The following DPP10 variants were observed in gnomAD, a reference collection of about 807,000 sequenced individuals.
DPP10 encodes dipeptidyl peptidase like 10.
DPP10 carries 33 observed loss-of-function variants against 120.9 expected under a neutral mutation model. The observed-to-expected ratio is 0.27, with a 90% CI of 0.21 to 0.37. The LOEUF (loss-of-function observed/expected upper bound fraction) is 0.37. DPP10 is among the 10% of genes least tolerant of loss of function. DPP10 has a pLI of 1.00. For missense variants in DPP10, 816 were observed against 942.8 expected, an observed-to-expected ratio of 0.87 and a Z score of 1.76; for synonymous variants, 337 against 326.1, an observed-to-expected ratio of 1.03 and a Z score of -0.36.
intron 1 of DPP10, among the ~76,000 whole-genome samples, chr2:114,888,016 G>A (rs570091153): frequency 4.6e-5 from 7 of 151,998 alleles, no homozygotes; most frequent in South Asian, 4.2e-4. Flanking sequence ...GGTGGTGGGC[G>A]CCTGTAGTCC....
At chr2:114,851,312 A>G (rs927849256) in intron 1 of DPP10, among the ~76,000 whole-genome samples, 24 of 152,184 alleles carry the variant, frequency 1.6e-4, no homozygotes, top group Admixed American at 5.9e-4. Flanking sequence ...TATGTGTGTT[A>G]CTGAAGGCAA....
At chr2:115,775,447 A>T (rs1449169495) in intron 13 of DPP10, among the ~76,000 whole-genome samples, 6 of 152,064 alleles carry the variant, frequency 3.9e-5, no homozygotes, top group Non-Finnish European at 8.8e-5. Context: ...TACATTGATA[A>T]ACTTGAAGTT....
intron 12 of DPP10, among the ~76,000 whole-genome samples, chr2:115,767,857 T>A (rs72828580): frequency 0.2 from 30,258 of 152,130 alleles, 4,139 homozygotes; most frequent in East Asian, 0.54. Context: ...GTAAGTACAG[T>A]TGCTGAAGAA....
chr2:115,406,860 C>T (rs566157025), intron 3 of DPP10, among the ~76,000 whole-genome samples: 5 of 152,204 alleles, frequency 3.3e-5, no homozygotes, highest in Non-Finnish European at 5.9e-5. Context: ...ACACCCTTTT[C>T]TTAATTGATA....
chr2:115,806,633 A>G (rs1686002701), intron 19 of DPP10, among the ~76,000 whole-genome samples: 1 of 152,184 alleles, frequency 6.6e-6, no homozygotes, highest in African/African-American at 2.4e-5. Flanking sequence ...ATTAGCATCC[A>G]TTCCTGTATT....
chr2:115,029,055 G>A (rs563718694), intron 1 of DPP10, among the ~76,000 whole-genome samples: 1 of 152,082 alleles, frequency 6.6e-6, no homozygotes, highest in Non-Finnish European at 1.5e-5. Flanking sequence ...CTTATATTCA[G>A]TGTTATTATT....
At chr2:114,598,502 A>G (rs553413015) in intron 1 of DPP10, among the ~76,000 whole-genome samples, 482 of 152,022 alleles carry the variant, frequency 3.2e-3, no homozygotes, top group Non-Finnish European at 4.3e-3. Flanking sequence ...ACTGCGTTTC[A>G]AAGAATGCCA....
chr2:115,770,990 T>A (rs1681390328), intron 13 of DPP10, among the ~76,000 whole-genome samples: 1 of 152,130 alleles, frequency 6.6e-6, no homozygotes, highest in African/African-American at 2.4e-5. Context: ...TATTTAACAT[T>A]TTATATTTTT....
chr2:115,693,229 G>A lies in DPP10; in HGVS notation c.576+3308G>A, dbSNP rs113593731. ...CCCACTATGATATTTCTGAAAAGTG[G>A]CAGCAAAATTTGCATAGAATATGGT... On this transcript the variant is annotated intron_variant, in intron 7 of 25. Transcript: ENST00000410059. 2.0e-5 allele frequency among the ~76,000 whole-genome samples: 3 copies of A among 152,216 alleles called. No individual in the cohort carries two copies. The East Asian group carries it at 5.8e-4, about 29-fold the overall frequency.
intron 1 of DPP10, among the ~76,000 whole-genome samples, chr2:114,581,434 C>T (rs764322714): frequency 3.3e-5 from 5 of 152,022 alleles, no homozygotes; most frequent in East Asian, 1.9e-4. Context: ...CAGCCCACCT[C>T]GGCCTCCCAA....
intron 1 of DPP10, among the ~76,000 whole-genome samples, chr2:114,476,037 T>C (rs1680343799): frequency 6.6e-6 from 1 of 152,194 alleles, no homozygotes; most frequent in African/African-American, 2.4e-5. Flanking sequence ...CTTAAGAACT[T>C]TAAATCTCTT....
intron 1 of DPP10, among the ~76,000 whole-genome samples, chr2:115,102,571 C>T (rs979520104): frequency 4.6e-5 from 7 of 151,948 alleles, no homozygotes; most frequent in African/African-American, 1.7e-4. Context: ...CCACCACGCC[C>T]GGCTAATTTT....
At chr2:114,731,496 A>G (rs894955338) in intron 1 of DPP10, among the ~76,000 whole-genome samples, 1 of 152,042 alleles carries the variant, frequency 6.6e-6, no homozygotes. Flanking sequence ...CTTCCGTGGG[A>G]TACTTCTTTG....
intron 7 of DPP10, among the ~76,000 whole-genome samples, chr2:115,693,468 G>A (rs936706373): frequency 2.0e-5 from 3 of 151,992 alleles, no homozygotes; most frequent in Non-Finnish European, 4.4e-5. Flanking sequence ...TCCACCTTTT[G>A]TACAAAATAC....
rs13415853 is a variant in DPP10, at chr2:114,497,234, C to T, written c.60+54396C>T. Among the ~76,000 whole-genome samples the T allele has an allele frequency of 1.7e-3, 176 of 103,044 alleles. 2 individuals are homozygous for T. The highest frequency in any genetic ancestry group is 0.011 in the Middle Eastern group (2 of 178). 67.6% of individuals were successfully genotyped at this position (103,044 alleles called of 152,430 possible). ...ATATACGTGTGTATGCATGTACGTG[C>T]GTATACATGTGTATGCATGTACGTG... is the stretch of plus-strand genomic sequence containing the variant. On this transcript the variant is annotated intron_variant, in intron 1 of 25. Coordinates refer to ENST00000410059, the MANE Select transcript of DPP10 (RefSeq NM_020868.6).
At chr2:115,334,230 G>GGTTTTTTTTTTTTTTTTTT (rs1553554643) in intron 2 of DPP10, among the ~76,000 whole-genome samples, 3 of 56,412 alleles carry the variant, frequency 5.3e-5, no homozygotes, top group African/African-American at 1.5e-4. Context: ...AGCAGACTCT[G>GGTTTTTTTTTTTTTTTTTT]TTTTTTTTTT....
At chr2:114,659,237 T>C (rs1697206085) in intron 1 of DPP10, among the ~76,000 whole-genome samples, 1 of 152,160 alleles carries the variant, frequency 6.6e-6, no homozygotes, top group Non-Finnish European at 1.5e-5. Flanking sequence ...TGGCTAACAA[T>C]AAATTGTATG....
chr2:115,658,057 T>C (rs548923538), intron 5 of DPP10, among the ~76,000 whole-genome samples: 1 of 152,112 alleles, frequency 6.6e-6, no homozygotes, highest in African/African-American at 2.4e-5. Flanking sequence ...TGTGTTAATT[T>C]TTATTTCAAG....
At chr2:114,527,041 C>T (rs1685561343) in intron 1 of DPP10, among the ~76,000 whole-genome samples, 1 of 152,166 alleles carries the variant, frequency 6.6e-6, no homozygotes, top group Non-Finnish European at 1.5e-5. Flanking sequence ...CCATAATTTA[C>T]ACTCCCTTTT....
Sources: allele counts gnomAD v4.1 joint callset (sites outside exome capture counted in the v4.1 genomes callset), GRCh38; gene constraint gnomAD v4.1.1; transcripts MANE v1.5; gene names NCBI Gene and HGNC (gene_info 2026-07-23, HGNC 2026-07-21).